ZNF423: variants seen among roughly 807,000 people sequenced by gnomAD.
ZNF423 encodes the protein Ebf-associated zinc finger protein.
ZNF423 carries 12 observed loss-of-function variants against 95.8 expected under a neutral mutation model. That is an observed-to-expected ratio of 0.13 (90% CI 0.08 to 0.20). The LOEUF (loss-of-function observed/expected upper bound fraction) is 0.20, where lower values mean the gene tolerates loss of function less well. ZNF423 is among the 10% of genes least tolerant of loss of function. The pLI is 1.00. For missense variants in ZNF423, 1,316 were observed against 1,737.1 expected (o/e 0.76, Z 4.31); for synonymous variants, 749 against 711.9 (o/e 1.05, Z -0.83).
intron 2 of ZNF423, among the ~76,000 whole-genome samples, chr16:49,783,991 AAAAG>A (rs959521882): frequency 2.0e-5 from 3 of 152,052 alleles, no homozygotes; most frequent in Non-Finnish European, 2.9e-5. Flanking sequence ...AAAGAAAAGA[AAAAG>A]AAATCCATGA....
intron 5 of ZNF423, among the ~76,000 whole-genome samples, chr16:49,599,386 C>T (rs568451434): frequency 1.9e-4 from 29 of 152,320 alleles, no homozygotes; most frequent in Admixed American, 7.8e-4. Context: ...CCTCAGTGTT[C>T]CCTGGGACTG....
Position 49,527,143 on chromosome 16 carries a change from C to T in ZNF423, c.3602-1649G>A, listed in dbSNP as rs75079583. On this transcript the variant is annotated intron_variant, in intron 5 of 7. Transcript: ENST00000563137. Reference sequence around the variant, plus strand: ...CCCCCTGGCCCAGCCATCCCCCGCACCCCCGGGCACCCCACCGCAGAGGCG... The same window carrying T: ...CCCCCTGGCCCAGCCATCCCCCGCATCCCCGGGCACCCCACCGCAGAGGCG... 6.2e-3 allele frequency among the ~76,000 whole-genome samples: 947 copies of T among 152,204 alleles called. 22 individuals are homozygous for T. The highest frequency in any genetic ancestry group is 0.022 in the African/African-American group (918 of 41,526).
At chr16:49,783,849 A>G (rs1251869342) in intron 2 of ZNF423, among the ~76,000 whole-genome samples, 2 of 151,870 alleles carry the variant, frequency 1.3e-5, no homozygotes, top group Non-Finnish European at 2.9e-5. Context: ...ACGTGCCTGT[A>G]GTCCCAGCTA....
intron 7 of ZNF423, among the ~76,000 whole-genome samples, chr16:49,511,724 G>A (rs1171416384): frequency 1.3e-5 from 2 of 152,210 alleles, no homozygotes; most frequent in Non-Finnish European, 2.9e-5. Context: ...AGGAGACACA[G>A]CTGCCTCCAG....
At chr16:49,809,818 G>C (rs1254925244) in intron 1 of ZNF423, among the ~76,000 whole-genome samples, 4 of 152,148 alleles carry the variant, frequency 2.6e-5, no homozygotes, top group African/African-American at 9.7e-5. Context: ...GACACCAGGG[G>C]GTCTGGGGCT....
At chr16:49,761,994 T>A (rs1371911424) in intron 2 of ZNF423, among the ~76,000 whole-genome samples, 1 of 152,148 alleles carries the variant, frequency 6.6e-6, no homozygotes, top group Non-Finnish European at 1.5e-5. Flanking sequence ...AAAATAATTG[T>A]AGATAAGATG....
intron 7 of ZNF423, among the ~76,000 whole-genome samples, chr16:49,520,432 G>C (rs1968349833): frequency 6.6e-6 from 1 of 152,190 alleles, no homozygotes; most frequent in Non-Finnish European, 1.5e-5. Flanking sequence ...CGTTTGGAGG[G>C]AGACATGTCA....
At chr16:49,713,283 A>G (rs1326413831) in intron 3 of ZNF423, among the ~76,000 whole-genome samples, 1 of 152,240 alleles carries the variant, frequency 6.6e-6, no homozygotes, top group Non-Finnish European at 1.5e-5. Flanking sequence ...GCTGATCTCC[A>G]AAATCTGACT....
At chr16:49,727,373 A>G (rs2033050088) in intron 3 of ZNF423, among the ~76,000 whole-genome samples, 1 of 152,042 alleles carries the variant, frequency 6.6e-6, no homozygotes, top group Non-Finnish European at 1.5e-5. Flanking sequence ...TTCTGGCATG[A>G]AGCTCCCCTC....
chr16:49,781,998 T>C (rs181845059), intron 2 of ZNF423, among the ~76,000 whole-genome samples: 4 of 152,332 alleles, frequency 2.6e-5, no homozygotes, highest in Non-Finnish European at 5.9e-5. Context: ...GGGATGGGGC[T>C]GGAGGTGGTG....
At chr16:49,737,795 C>G (rs1257828576) in intron 2 of ZNF423, among the ~76,000 whole-genome samples, 1 of 152,246 alleles carries the variant, frequency 6.6e-6, no homozygotes. Context: ...CAAGGGCCAG[C>G]TAGAAAAGGG....
At chr16:49,673,489 C>CCCTACCTGACA in intron 3 of ZNF423, among the ~76,000 whole-genome samples, 1 of 152,202 alleles carries the variant, frequency 6.6e-6, no homozygotes, top group Admixed American at 6.5e-5. Context: ...AAGGAGAACT[C>CCCTACCTGACA]CAGCATTGAG....
At chr16:49,510,364 G>C (rs1484412723) in intron 7 of ZNF423, among the ~76,000 whole-genome samples, 1 of 152,178 alleles carries the variant, frequency 6.6e-6, no homozygotes, top group Non-Finnish European at 1.5e-5. Flanking sequence ...TTTCTGGGGG[G>C]TGGACGTTGA....
chr16:49,681,733 T>A (rs1036301984), intron 3 of ZNF423, among the ~76,000 whole-genome samples: 1 of 152,210 alleles, frequency 6.6e-6, no homozygotes, highest in African/African-American at 2.4e-5. Flanking sequence ...GGGATCTGAA[T>A]GCTGGCTTCC....
At chr16:49,598,434 G>C (rs1971250891) in intron 5 of ZNF423, among the ~76,000 whole-genome samples, 1 of 152,258 alleles carries the variant, frequency 6.6e-6, no homozygotes, top group Non-Finnish European at 1.5e-5. Context: ...TCATTCCAGA[G>C]CTGGCACTTG....
chr16:49,656,509 TA>T (rs55748087), intron 3 of ZNF423, among the ~76,000 whole-genome samples: 44 of 145,036 alleles, frequency 3.0e-4, no homozygotes, highest in Admixed American at 8.3e-4. Flanking sequence ...GACTCTGTCT[TA>T]AAAAAAAAAG....
At chr16:49,517,880 G>T in intron 7 of ZNF423, 1 of 443,792 alleles carries the variant, frequency 2.3e-6, no homozygotes, top group Admixed American at 2.5e-5. Flanking sequence ...TTCCATTTAA[G>T]ACTAACAATA....
chr16:49,721,804 C>T (rs1037953302), intron 3 of ZNF423, among the ~76,000 whole-genome samples: 2 of 152,174 alleles, frequency 1.3e-5, no homozygotes, highest in Non-Finnish European at 2.9e-5. Context: ...TCCAGAAAGA[C>T]ACATAGACTG....
intron 1 of ZNF423, among the ~76,000 whole-genome samples, chr16:49,820,026 GTGGATGGA>G (rs111486773): frequency 2.3e-3 from 353 of 150,588 alleles, no homozygotes; most frequent in Middle Eastern, 3.4e-3. Flanking sequence ...TGTTGAATAG[GTGGATGGA>G]TGGATGGATG....
Sources: allele counts gnomAD v4.1 joint callset (sites outside exome capture counted in the v4.1 genomes callset), GRCh38; gene constraint gnomAD v4.1.1; transcripts MANE v1.5; gene names NCBI Gene and HGNC (gene_info 2026-07-23, HGNC 2026-07-21).